GALNT17: variants seen among roughly 807,000 people sequenced by gnomAD.
GALNT17 encodes polypeptide N-acetylgalactosaminyltransferase 17.
Under a neutral mutation model 63.7 loss-of-function variants are expected in GALNT17, and 29 were observed. That is an observed-to-expected ratio of 0.46 (90% CI 0.34 to 0.62). The LOEUF (loss-of-function observed/expected upper bound fraction) is 0.62, where lower values mean the gene tolerates loss of function less well. Ranked by LOEUF, GALNT17 falls within the 20% of genes least tolerant of loss-of-function variation. GALNT17 has a pLI of 0.01. For synonymous variants in GALNT17, 305 were observed against 318.3 expected (o/e 0.96, Z 0.45); for missense variants, 603 against 799.6 (o/e 0.75, Z 2.97).
chr7:71,506,619 A>G (rs910483078), intron 5 of GALNT17, among the ~76,000 whole-genome samples: 1 of 152,198 alleles, frequency 6.6e-6, no homozygotes, highest in Admixed American at 6.5e-5. Flanking sequence ...AACAAATAAT[A>G]ATTGTATATA....
intron 5 of GALNT17, among the ~76,000 whole-genome samples, chr7:71,540,524 G>C (rs1788871853): frequency 6.6e-6 from 1 of 152,082 alleles, no homozygotes; most frequent in South Asian, 2.1e-4. Flanking sequence ...TGGGCTTACA[G>C]CAGTGACTCA....
At chr7:71,229,894 G>C (rs193135734) in intron 1 of GALNT17, among the ~76,000 whole-genome samples, 1 of 152,204 alleles carries the variant, frequency 6.6e-6, no homozygotes, top group African/African-American at 2.4e-5. Context: ...AGCCAAGAGC[G>C]GCAGCCTGTG....
chr7:71,517,069 A>G (rs956015654), intron 5 of GALNT17, among the ~76,000 whole-genome samples: 3 of 152,132 alleles, frequency 2.0e-5, no homozygotes, highest in Non-Finnish European at 2.9e-5. Context: ...GGGGATGTCA[A>G]AGTTCTCATG....
chr7:71,218,788 T>C (rs541458217), intron 1 of GALNT17, among the ~76,000 whole-genome samples: 1 of 152,136 alleles, frequency 6.6e-6, no homozygotes, highest in African/African-American at 2.4e-5. Context: ...GAGTGCTTCT[T>C]ATGAGAATCT....
rs190181217 is a variant in GALNT17, at chr7:71,196,592, A to G, written c.238+63552A>G. ...CCTGAGTTGAAAGCTTGGTTATGCT[A>G]CTTGATAGTGTGTGGCTTTGAGACT... On this transcript the variant is annotated intron_variant, in intron 1 of 10. Coordinates refer to ENST00000333538, the MANE Select transcript of GALNT17 (RefSeq NM_022479.3). Among the ~76,000 whole-genome samples, 5 of 152,058 alleles carry G rather than the reference A, an allele frequency of 3.3e-5. No homozygotes were observed. The East Asian group carries it at 9.7e-4, about 30-fold the overall frequency.
chr7:71,296,807 G>A (rs755460669), intron 1 of GALNT17, among the ~76,000 whole-genome samples: 17 of 151,948 alleles, frequency 1.1e-4, no homozygotes, highest in Non-Finnish European at 2.4e-4. Flanking sequence ...AATATATAGT[G>A]TTATAAGATG....
At chr7:71,384,197 G>A (rs1262584190) in intron 2 of GALNT17, among the ~76,000 whole-genome samples, 6 of 152,184 alleles carry the variant, frequency 3.9e-5, no homozygotes, top group Admixed American at 2.0e-4. Flanking sequence ...TCAGTGTAGT[G>A]TTGATTTGCA....
chr7:71,196,515 C>T (rs2116352519), intron 1 of GALNT17, among the ~76,000 whole-genome samples: 1 of 152,276 alleles, frequency 6.6e-6, no homozygotes, highest in African/African-American at 2.4e-5. Context: ...AGTCCTATGT[C>T]TCCTCCTACT....
At chr7:71,445,404 C>G (rs570898507) in intron 5 of GALNT17, among the ~76,000 whole-genome samples, 1 of 151,080 alleles carries the variant, frequency 6.6e-6, no homozygotes, top group South Asian at 2.1e-4. Flanking sequence ...GCCATGTTGG[C>G]CAGGCTGGTC....
chr7:71,241,271 G>T (rs1259126846), intron 1 of GALNT17, among the ~76,000 whole-genome samples: 14 of 152,132 alleles, frequency 9.2e-5, no homozygotes, highest in Non-Finnish European at 5.9e-5. Flanking sequence ...GAGTTGTTTG[G>T]GTAAGTAAGC....
At chr7:71,606,325 C>T (rs1790047905) in intron 6 of GALNT17, among the ~76,000 whole-genome samples, 2 of 152,160 alleles carry the variant, frequency 1.3e-5, no homozygotes, top group South Asian at 4.1e-4. Flanking sequence ...GAAAGTTACT[C>T]ACCCCATTCC....
rs185316505 is a variant in GALNT17, at chr7:71,139,740, C to T, written c.238+6700C>T. ...GGGCACGGTGGCTCAAGCCTGTAAT[C>T]CCAGCACTTTGGGAGGCCGTGGTGG... On this transcript the variant is annotated intron_variant, in intron 1 of 10. Coordinates refer to ENST00000333538, the MANE Select transcript of GALNT17 (RefSeq NM_022479.3). Among the ~76,000 whole-genome samples, 542 of 152,202 alleles carry T rather than the reference C, an allele frequency of 3.6e-3. 3 individuals carry two copies. Among genetic ancestry groups the T allele is most frequent in the African/African-American group, 0.012 (512 of 41,540 alleles).
chr7:71,702,687 G>T (rs1324204730), intron 9 of GALNT17, among the ~76,000 whole-genome samples: 2 of 152,128 alleles, frequency 1.3e-5, no homozygotes, highest in Non-Finnish European at 2.9e-5. Context: ...GGCAAGGAGG[G>T]GGAACTGGGG....
intron 1 of GALNT17, among the ~76,000 whole-genome samples, chr7:71,191,668 CTG>C (rs1488328921): frequency 1.3e-5 from 2 of 151,838 alleles, no homozygotes. Context: ...GTTTATTTAT[CTG>C]TTTTCCTGTT....
chr7:71,435,290 C>T (rs1444607452), intron 5 of GALNT17, among the ~76,000 whole-genome samples: 4 of 152,178 alleles, frequency 2.6e-5, no homozygotes, highest in African/African-American at 9.6e-5. Flanking sequence ...TTTAACCTGT[C>T]CTTGTTCCTT....
At chr7:71,516,005 T>C (rs568477962) in intron 5 of GALNT17, among the ~76,000 whole-genome samples, 1 of 152,154 alleles carries the variant, frequency 6.6e-6, no homozygotes, top group South Asian at 2.1e-4. Context: ...AGGGAGGGGA[T>C]AGAGGAGCAG....
At chr7:71,360,748 C>T (rs112077232) in intron 2 of GALNT17, among the ~76,000 whole-genome samples, 6 of 152,156 alleles carry the variant, frequency 3.9e-5, no homozygotes, top group Non-Finnish European at 8.8e-5. Context: ...GCCTGGCCAA[C>T]GTGGCAAAAC....
chr7:71,677,516 A>AC (rs1554322921), intron 9 of GALNT17, among the ~76,000 whole-genome samples: 3 of 142,088 alleles, frequency 2.1e-5, no homozygotes, highest in African/African-American at 7.7e-5. Context: ...CAGCATGCAG[A>AC]TTTTTTTTTT....
chr7:71,677,539 G>T (rs563843947), intron 9 of GALNT17, among the ~76,000 whole-genome samples: 3 of 150,320 alleles, frequency 2.0e-5, no homozygotes, highest in African/African-American at 4.9e-5. Flanking sequence ...TTTTGAGATG[G>T]CGTCTCACTC....
Sources: allele counts gnomAD v4.1 joint callset (sites outside exome capture counted in the v4.1 genomes callset), GRCh38; gene constraint gnomAD v4.1.1; transcripts MANE v1.5; gene names NCBI Gene and HGNC (gene_info 2026-07-23, HGNC 2026-07-21).